The following C1QB variants were observed in gnomAD, a reference collection of about 807,000 sequenced individuals.
C1QB encodes complement C1q B chain, also known as complement C1q subcomponent subunit B.
C1QB carries 2 observed loss-of-function variants against 4.6 expected under a neutral mutation model. The ratio of observed to expected loss-of-function variants is 0.43; its 90% CI spans 0.18 to 1.36. The LOEUF is 1.36. C1QB is among the 40% of genes most tolerant of loss of function. The probability of loss-of-function intolerance (pLI) is 0.28; values close to 1 mark genes in which losing one functional copy is unlikely to be tolerated. For missense variants in C1QB, 292 were observed against 338.0 expected (o/e 0.86, Z 1.07); for synonymous variants, 132 against 137.1 (o/e 0.96, Z 0.26).
Position 22,660,967 on chromosome 1 carries a change from G to T in C1QB, c.337G>T (p.Asp113Tyr), listed in dbSNP as rs200502843. ...GAPGPKGESG[D>Y]YKATQKIAFS... is the part of the protein sequence containing the mutation. ...CCCAGGCCCCAAAGGTGAATCGGGA[G>T]ACTACAAGGCCACCCAGAAAATCGC... The change falls in exon 3 of 3, where the codon GAC becomes TAC. Residue 113 changes from aspartate (D) to tyrosine (Y), a missense_variant. By Grantham distance (160) the Asp-to-Tyr change is radical (BLOSUM62 -3). Coordinates refer to ENST00000509305, the MANE Select transcript of C1QB (RefSeq NM_001378156.1). The T allele has an allele frequency of 1.2e-6, 2 of 1,613,978 alleles. No individual in the cohort carries two copies. Among genetic ancestry groups the T allele is most frequent in the Non-Finnish European group, 1.7e-6 (2 of 1,179,950 alleles).
intron 1 of C1QB, among the ~76,000 whole-genome samples, chr1:22,659,124 AGATG>A (rs1294830887): frequency 1.5e-5 from 2 of 137,648 alleles, no homozygotes; most frequent in South Asian, 4.9e-4. Context: ...ATAGAGAGAT[AGATG>A]GATGGATGGA....
chr1:22,658,827 A>G (rs140990227), intron 1 of C1QB, among the ~76,000 whole-genome samples: 214 of 145,384 alleles, frequency 1.5e-3, no homozygotes, highest in African/African-American at 5.4e-3. Context: ...GGATGGATGG[A>G]CAGATGGACA....
Position 22,661,234 on chromosome 1 carries a change from A to T in C1QB, c.604A>T (p.Thr202Ser). 1.9e-6 allele frequency: 3 copies of T among 1,612,714 alleles called. No individual in the cohort carries two copies. The highest frequency in any genetic ancestry group is 2.5e-6 in the Non-Finnish European group (3 of 1,179,160). ...VVTFCDYAYN[T>S]FQVTTGGMVL... ...CACCTTCTGTGACTATGCCTACAAC[A>T]CCTTCCAGGTCACCACCGGTGGCAT... The change falls in exon 3 of 3, where the codon ACC (threonine) becomes TCC (serine). Residue 202 changes from threonine to serine, a missense_variant. By Grantham distance (58) the Thr-to-Ser change is moderately conservative (BLOSUM62 1). Transcript: ENST00000509305.
chr1:22,654,633 T>A (rs1361432373), intron 1 of C1QB, among the ~76,000 whole-genome samples: 1 of 151,772 alleles, frequency 6.6e-6, no homozygotes, highest in Non-Finnish European at 1.5e-5. Flanking sequence ...AGGGAGAGAG[T>A]AGCATTATCC....
rs116014724 is a variant in C1QB at position 22,654,787 on chromosome 1, T to C, written c.-24+1484T>C. 5.4e-3 allele frequency among the ~76,000 whole-genome samples: 830 copies of C among 152,348 alleles called. 12 individuals are homozygous for C. Among genetic ancestry groups the C allele is most frequent in the African/African-American group, 0.019 (772 of 41,578 alleles). ...AGGCTCCCGCCACCAGGTGAATGTG[T>C]GCTGCCTAACAAGAGCAGCAATCAT... On this transcript the variant is annotated intron_variant, in intron 1 of 2. Coordinates refer to ENST00000509305, the MANE Select transcript of C1QB (RefSeq NM_001378156.1).
chr1:22,659,293 G>T (rs1374792948), intron 1 of C1QB, 147 bp from the exon 2 acceptor site: 8 of 428,346 alleles, frequency 1.9e-5, no homozygotes, highest in Non-Finnish European at 2.7e-5. Context: ...GGGATAGAGA[G>T]ATGGATGGAT....
chr1:22,659,789 G>T, intron 2 of C1QB, 146 bp downstream of exon 2: 1 of 978,838 alleles, frequency 1.0e-6, no homozygotes. Flanking sequence ...TTTGCAAGGA[G>T]GGAATTCTGA....
chr1:22,653,822 C>T (rs747547868), intron 1 of C1QB, among the ~76,000 whole-genome samples: 1 of 152,198 alleles, frequency 6.6e-6, no homozygotes, highest in South Asian at 2.1e-4. Context: ...TCCTCATACT[C>T]GCTGAGAAAG....
chr1:22,653,674 G>A (rs1051809569), intron 1 of C1QB, among the ~76,000 whole-genome samples: 3 of 152,200 alleles, frequency 2.0e-5, no homozygotes, highest in African/African-American at 7.2e-5. Flanking sequence ...CAGCACTGCT[G>A]TGCCTTACAG....
At chr1:22,659,805 A>AT (rs1315515016) in intron 2 of C1QB, among the ~76,000 whole-genome samples, 162 bp downstream of exon 2, 1 of 152,214 alleles carries the variant, frequency 6.6e-6, no homozygotes, top group East Asian at 1.9e-4. Flanking sequence ...TCTGATTCCC[A>AT]TTTTACAGAG....
chr1:22,657,412 A>G (rs951092350), intron 1 of C1QB, among the ~76,000 whole-genome samples: 9 of 152,262 alleles, frequency 5.9e-5, no homozygotes, highest in Admixed American at 6.5e-5. Context: ...AAAGGAATGA[A>G]GTACTGATAC....
At chr1:22,659,691 G>C in intron 2 of C1QB, 48 bp downstream of exon 2, 1 of 1,562,320 alleles carries the variant, frequency 6.4e-7, no homozygotes. Flanking sequence ...CAAATTTCCC[G>C]TCTCCTGCCT....
chr1:22,661,139 A>G lies in C1QB; in HGVS notation c.509A>G (p.Tyr170Cys). Residue 170 changes from tyrosine to cysteine, a missense_variant, in exon 3 of 3, where the codon TAC (tyrosine) becomes TGC (cysteine). Coordinates refer to ENST00000509305, the MANE Select transcript of C1QB (RefSeq NM_001378156.1). Reference sequence around the variant, plus strand: ...GTGCCCGGTCTCTACTACTTCACCTACCACGCCAGCTCTCGAGGGAACCTG... The same window carrying G: ...GTGCCCGGTCTCTACTACTTCACCTGCCACGCCAGCTCTCGAGGGAACCTG... ...CKVPGLYYFT[Y>C]HASSRGNLCV... 1 of 1,614,024 alleles carries G rather than the reference A, an allele frequency of 6.2e-7. No individual in the cohort carries two copies. The highest frequency in any genetic ancestry group is 8.5e-7 in the Non-Finnish European group (1 of 1,179,986).
chr1:22,654,057 C>A (rs961979702), intron 1 of C1QB: 7 of 152,264 alleles, frequency 4.6e-5, no homozygotes, highest in Non-Finnish European at 1.0e-4. Context: ...GAGGTTAAGG[C>A]ACTTGCCTGA....
Position 22,660,898 on chromosome 1 carries a change from A to T in C1QB, c.268A>T (p.Lys90Ter). ...TGGGAATCCAGGAAAAGTCGGCCCCAAGGGCCCCATGGGCCCTAAAGGTGG... is the reference window on the plus strand; with the variant it reads ...TGGGAATCCAGGAAAAGTCGGCCCCTAGGGCCCCATGGGCCCTAAAGGTGG... The part of the protein sequence containing the change: ...IPGNPGKVGP[K>*]GPMGPKGGPG... The change falls in exon 3 of 3, where the codon AAG becomes TAG. Residue 90 changes from lysine (K) to a stop codon, truncating the protein, a stop_gained. Coordinates refer to ENST00000509305, the MANE Select transcript of C1QB (RefSeq NM_001378156.1). LOFTEE classifies it low-confidence loss of function (END_TRUNC). 1 of 1,613,078 alleles carries T rather than the reference A, an allele frequency of 6.2e-7. No individual in the cohort carries two copies. Among genetic ancestry groups the T allele is most frequent in the Non-Finnish European group, 8.5e-7 (1 of 1,179,696 alleles).
At chr1:22,656,438 C>T (rs1157460416) in intron 1 of C1QB, among the ~76,000 whole-genome samples, 3 of 152,090 alleles carry the variant, frequency 2.0e-5, no homozygotes, top group Non-Finnish European at 4.4e-5. Context: ...ACTCAGGAGG[C>T]TGAGGCAGGA....
In C1QB at chr1:22,653,246, CG is replaced by C. The variant is rs564934938; in HGVS notation, c.-79del. On this transcript the variant is annotated 5_prime_UTR_variant, in exon 1 of 3. Transcript: ENST00000509305. ...CTTCGGACCGAGGGCAGTAGGCTCT[CG>C]GCTCCTGGTCCCACTGCTGCTCAGC... 60 of 152,322 alleles carry C rather than the reference CG, an allele frequency of 3.9e-4. No individual in the cohort carries two copies. The highest frequency in any genetic ancestry group is 1.3e-3 in the African/African-American group (56 of 41,574). The allele number at this position is 152,322 out of a possible 1,614,324, so 9.4% of individuals were successfully genotyped here. A position where few individuals can be genotyped will look rare whatever the true frequency, so the allele number is the denominator to read the frequency against.
chr1:22,657,877 C>T (rs1043313421), intron 1 of C1QB, among the ~76,000 whole-genome samples: 1 of 152,142 alleles, frequency 6.6e-6, no homozygotes, highest in African/African-American at 2.4e-5. Flanking sequence ...CGGCTTCTTC[C>T]TAGTTCTTTG....
In C1QB at chr1:22,661,094, G is replaced by A; in HGVS notation, c.464G>A (p.Ser155Asn). Residue 155 changes from serine (S) to asparagine (N), a missense_variant, in exon 3 of 3, where the codon AGT (serine) becomes AAT (asparagine). Ser to Asn is a conservative substitution (Grantham distance 46, BLOSUM62 1). Transcript: ENST00000509305. The stretch of plus-strand genomic sequence containing the variant: ...ATGAACAACAATTATGAGCCCCGCA[G>A]TGGCAAGTTCACCTGCAAGGTGCCC... ...TNMNNNYEPRSGKFTCKVPGL... is the reference protein window; with the variant it reads ...TNMNNNYEPRNGKFTCKVPGL... The A allele has an allele frequency of 6.2e-7, 1 of 1,614,180 alleles. No individual in the cohort carries two copies. Among genetic ancestry groups the A allele is most frequent in the South Asian group, 1.1e-5 (1 of 91,080 alleles).
Sources: allele counts gnomAD v4.1 joint callset (sites outside exome capture counted in the v4.1 genomes callset), GRCh38; gene constraint gnomAD v4.1.1; transcripts MANE v1.5; gene names NCBI Gene and HGNC (gene_info 2026-07-23, HGNC 2026-07-21).